The following SCARA3 variants were observed in gnomAD, a reference collection of about 807,000 sequenced individuals.
SCARA3 encodes scavenger receptor class A member 3.
In SCARA3, 39 loss-of-function variants were observed where a neutral mutation model predicts 47.0. The ratio of observed to expected loss-of-function variants is 0.83; its 90% confidence interval spans 0.64 to 1.08. SCARA3 has a LOEUF of 1.08. Among genes scored for constraint, SCARA3 ranks in the 50% least tolerant of loss-of-function variants. SCARA3 has a pLI of 0.00. For synonymous variants in SCARA3, 356 were observed against 334.1 expected (o/e 1.07, Z -0.71); for missense variants, 724 against 792.3 (o/e 0.91, Z 1.04).
downstream of SCARA3, among the ~76,000 whole-genome samples, chr8:27,677,958 A>T (rs891341220): frequency 2.0e-5 from 3 of 152,188 alleles, no homozygotes; most frequent in African/African-American, 4.8e-5. Context: ...TGAGTCAAAT[A>T]AAAAAATCAC....
downstream of SCARA3, among the ~76,000 whole-genome samples, chr8:27,675,743 T>C (rs182503190): frequency 6.1e-3 from 924 of 152,224 alleles, 20 homozygotes; most frequent in African/African-American, 0.021. Context: ...TGAGCTGAGA[T>C]TGTACCACTG....
At chr8:27,730,397 TC>T in the SCARA3 span, among the ~76,000 whole-genome samples, 1 of 151,818 alleles carries the variant, frequency 6.6e-6, no homozygotes, top group African/African-American at 2.4e-5. Context: ...CCCTCCCCCT[TC>T]CCTGTAGCTG....
Position 27,634,177 on chromosome 8 carries a change from C to A in SCARA3, c.-24C>A, listed in dbSNP as rs1383314162. 7.6e-6 allele frequency: 11 copies of A among 1,438,092 alleles called. No individual in the cohort carries two copies. Among genetic ancestry groups the A allele is most frequent in the Middle Eastern group, 1.9e-4 (1 of 5,152 alleles). The allele number at this position is 1,438,092 out of a possible 1,614,324, so 89.1% of individuals were successfully genotyped here. ...CTCCAGCCGCCTGCAGCGGGGCCCT[C>A]CTGAGGCCCCAGAGGAAGAGACCAT... On this transcript the variant is annotated 5_prime_UTR_variant, in exon 1 of 6. Transcript: ENST00000301904.
chr8:27,649,773 A>G lies in SCARA3; in HGVS notation c.79A>G (p.Met27Val). 1.2e-6 allele frequency: 2 copies of G among 1,614,128 alleles called. No individual in the cohort carries two copies. The highest frequency in any genetic ancestry group is 1.7e-6 in the Non-Finnish European group (2 of 1,180,020). Reference sequence around the variant, plus strand: ...GGACCTGGCGGGTGACGACGAGGACATGCCGACCTTCCCATGCACCCAGAA... The same window carrying G: ...GGACCTGGCGGGTGACGACGAGGACGTGCCGACCTTCCCATGCACCCAGAA... ...EEDLAGDDED[M>V]PTFPCTQKGR... The change falls in exon 2 of 6, where the codon ATG becomes GTG. Residue 27 changes from methionine to valine, a missense_variant. Transcript: ENST00000301904.
chr8:27,729,114 A>C, the SCARA3 span, among the ~76,000 whole-genome samples: 2 of 152,214 alleles, frequency 1.3e-5, no homozygotes, highest in Admixed American at 1.3e-4. Context: ...AAATCATGGA[A>C]TCTGATCTGT....
intron 1 of SCARA3, among the ~76,000 whole-genome samples, chr8:27,636,258 G>C (rs1416575428): frequency 6.6e-6 from 1 of 152,192 alleles, no homozygotes; most frequent in Non-Finnish European, 1.5e-5. Context: ...CACATTCTCA[G>C]AGTGGCTCCA....
At chr8:27,717,709 C>T in the SCARA3 span, among the ~76,000 whole-genome samples, 7 of 151,992 alleles carry the variant, frequency 4.6e-5, no homozygotes, top group Non-Finnish European at 8.8e-5. Flanking sequence ...CGCTTGAACC[C>T]GGGAGACAGA....
In SCARA3 at chr8:27,671,215, GA is replaced by G; in HGVS notation, c.1689del (p.Lys563AsnfsTer101). ...PGSPGPSGPQ[G>X]KPGIAGKTGS... ...TCTCCAGGGCCCTCAGGGCCTCAGG[GA>G]AAACCGGGAATTGCAGGGAAGACAG... On this transcript the variant is annotated frameshift_variant, in exon 6 of 6. Transcript: ENST00000301904. LOFTEE classifies it high-confidence loss of function. 1 of 1,507,940 alleles carries G rather than the reference GA, an allele frequency of 6.6e-7. No homozygotes were observed. The highest frequency in any genetic ancestry group is 1.3e-5 in the South Asian group (1 of 77,422). 93.4% of individuals were successfully genotyped at this position (1,507,940 alleles called of 1,614,324 possible).
chr8:27,672,616 G>C lies in SCARA3; in HGVS notation c.*1265G>C, dbSNP rs963480540. 1.0e-6 allele frequency: 1 copy of C among 985,528 alleles called. No individual in the cohort carries two copies. The highest frequency in any genetic ancestry group is 1.7e-5 in the African/African-American group (1 of 57,252). The allele number at this position is 985,528 out of a possible 1,614,324, so 61.0% of individuals were successfully genotyped here. A position where few individuals can be genotyped will look rare whatever the true frequency, so the allele number is the denominator to read the frequency against. Reference sequence around the variant, plus strand: ...TTGCATGGGCAGCCAGCTGGACTAGGAGTGGGAAGGGCCTGGACACTCACA... The same window carrying C: ...TTGCATGGGCAGCCAGCTGGACTAGCAGTGGGAAGGGCCTGGACACTCACA... On this transcript the variant is annotated 3_prime_UTR_variant, in exon 6 of 6. Coordinates refer to ENST00000301904, the MANE Select transcript of SCARA3 (RefSeq NM_016240.3).
At chr8:27,656,512 AT>A (rs1398905234) in intron 3 of SCARA3, among the ~76,000 whole-genome samples, 1 of 151,670 alleles carries the variant, frequency 6.6e-6, no homozygotes, top group Non-Finnish European at 1.5e-5. Context: ...TTTTTTTTTA[AT>A]TTTTTTTCTG....
intron 1 of SCARA3, among the ~76,000 whole-genome samples, chr8:27,643,837 G>A (rs933982803): frequency 6.6e-6 from 1 of 152,196 alleles, no homozygotes; most frequent in African/African-American, 2.4e-5. Context: ...ATGGAAGAAT[G>A]CAGTCCCAGA....
intron 1 of SCARA3, among the ~76,000 whole-genome samples, chr8:27,637,715 T>C (rs1481749251): frequency 2.0e-5 from 3 of 151,848 alleles, no homozygotes; most frequent in Non-Finnish European, 2.9e-5. Context: ...AAACAACCCC[T>C]CCTTCCAGAA....
chr8:27,694,368 C>G, the SCARA3 span, among the ~76,000 whole-genome samples: 2 of 152,138 alleles, frequency 1.3e-5, no homozygotes, highest in Non-Finnish European at 2.9e-5. Context: ...AAATATGCCA[C>G]ATACACTCTT....
intron 1 of SCARA3, among the ~76,000 whole-genome samples, chr8:27,647,024 A>G (rs1300419225): frequency 1.7e-5 from 2 of 119,746 alleles, no homozygotes; most frequent in African/African-American, 3.2e-5. Flanking sequence ...CCTACCTGGA[A>G]TCTCCTATTG....
chr8:27,686,233 G>A, the SCARA3 span, among the ~76,000 whole-genome samples: 1 of 152,062 alleles, frequency 6.6e-6, no homozygotes, highest in African/African-American at 2.4e-5. Flanking sequence ...TTGACCCCAG[G>A]AGTTAGAGAC....
chr8:27,708,998 G>A, the SCARA3 span, among the ~76,000 whole-genome samples: 4 of 152,146 alleles, frequency 2.6e-5, no homozygotes, highest in East Asian at 1.9e-4. Flanking sequence ...ACACATCTAC[G>A]TCTATGACTG....
At chr8:27,654,799 AAAAGAAAAAG>A (rs1563406741) in intron 3 of SCARA3, among the ~76,000 whole-genome samples, 1 of 142,426 alleles carries the variant, frequency 7.0e-6, no homozygotes, top group African/African-American at 2.5e-5. Flanking sequence ...CAAAAAAAAA[AAAAGAAAAAG>A]AAAAAAAGAA....
chr8:27,696,751 A>G, the SCARA3 span, among the ~76,000 whole-genome samples: 2 of 150,692 alleles, frequency 1.3e-5, no homozygotes, highest in Non-Finnish European at 2.9e-5. Flanking sequence ...AGGCCCTTTT[A>G]GATTACAGGT....
In SCARA3 at chr8:27,660,827, AAGATAGCTAGCTAGCTAGATAGAT is replaced by A. The variant is rs1801893668; in HGVS notation, c.1369+1295_1369+1318del. ...ATAGATAGAAAATAGATATAGATAG[AAGATAGCTAGCTAGCTAGATAGAT>A]AGATAGATAGATAGATAGATAGATA... On this transcript the variant is annotated intron_variant, in intron 5 of 5. Transcript: ENST00000301904. Among the ~76,000 whole-genome samples the A allele has an allele frequency of 5.6e-5, 5 of 88,872 alleles. No individual in the cohort carries two copies. The Admixed American group carries it at 5.8e-4, about 10-fold the overall frequency. 58.3% of individuals were successfully genotyped at this position (88,872 alleles called of 152,430 possible).
Sources: gnomAD v4.1 joint callset for allele counts (sites outside exome capture counted in the v4.1 genomes callset) on GRCh38, gnomAD v4.1.1 for gene constraint, MANE v1.5 for transcripts, NCBI Gene and HGNC (gene_info 2026-07-23, HGNC 2026-07-21) for gene names.